Variants in CDH17 observed in about 807,000 individuals in gnomAD.
CDH17 encodes the protein cadherin-17.
In CDH17, 67 loss-of-function variants were observed where a neutral mutation model predicts 86.3. The observed-to-expected ratio is 0.78, with a 90% CI of 0.64 to 0.95. The LOEUF is 0.95. Among genes scored for constraint, CDH17 ranks in the 40% least tolerant of loss-of-function variants. The probability of loss-of-function intolerance (pLI) is 0.00; values close to 1 mark genes in which losing one functional copy is unlikely to be tolerated. For synonymous variants in CDH17, 367 were observed against 366.4 expected, an observed-to-expected ratio of 1.00 and a Z score of -0.02; for missense variants, 993 against 1,017.6, an observed-to-expected ratio of 0.98 and a Z score of 0.33.
At chr8:94,177,108 A>G (rs979565186) in intron 4 of CDH17, among the ~76,000 whole-genome samples, 5 of 152,204 alleles carry the variant, frequency 3.3e-5, no homozygotes, top group Non-Finnish European at 7.3e-5. Context: ...TCAGATACCA[A>G]CGGTGAAAAC....
At position 94,179,339 on chromosome 8, in the gene CDH17, A is replaced by T. The variant is rs149761580; in HGVS notation, c.151-1618T>A. ...CCTGGGGCATTTGTTGAAAACAACC[A>T]TTAGCAATTGTTCAACATTGCAGCT... is the stretch of plus-strand genomic sequence containing the variant. On this transcript the variant is annotated intron_variant, in intron 3 of 17. Coordinates refer to ENST00000027335, the MANE Select transcript of CDH17 (RefSeq NM_004063.4). Among the ~76,000 whole-genome samples the T allele has an allele frequency of 2.9e-4, 44 of 152,356 alleles. No homozygotes were observed. The East Asian group carries it at 3.5e-3, about 12-fold the overall frequency.
At chr8:94,216,563 G>T (rs200819544) in intron 1 of CDH17, among the ~76,000 whole-genome samples, 5,901 of 141,986 alleles carry the variant, frequency 0.042, 290 homozygotes, top group African/African-American at 0.12. Flanking sequence ...CAGAGGGTTT[G>T]TTTTTTTTTT....
At chr8:94,132,759 G>A (rs1433711226) in intron 15 of CDH17, among the ~76,000 whole-genome samples, 1 of 152,128 alleles carries the variant, frequency 6.6e-6, no homozygotes, top group African/African-American at 2.4e-5. Flanking sequence ...TCTTCTGAAT[G>A]GTATTGCCTC....
At chr8:94,171,228 C>T (rs1302461316) in intron 7 of CDH17, among the ~76,000 whole-genome samples, 1 of 152,146 alleles carries the variant, frequency 6.6e-6, no homozygotes, top group African/African-American at 2.4e-5. Flanking sequence ...TCTTCACAAA[C>T]CCTCTACAGG....
chr8:94,141,254 ATCCATT>A (rs1397224348), intron 15 of CDH17, among the ~76,000 whole-genome samples: 2 of 136,814 alleles, frequency 1.5e-5, no homozygotes, highest in Admixed American at 1.5e-4. Flanking sequence ...AAAATTTAAT[ATCCATT>A]TCCAATTTAG....
intron 5 of CDH17, 63 bp from the exon 6 acceptor site, chr8:94,174,323 C>T: frequency 1.3e-6 from 2 of 1,486,012 alleles, no homozygotes; most frequent in Non-Finnish European, 1.8e-6. Context: ...CCAAACCAAC[C>T]ATAGCTACTT....
At chr8:94,194,758 G>A in intron 1 of CDH17, 53 bp from the exon 2 acceptor site, 2 of 931,590 alleles carry the variant, frequency 2.1e-6, no homozygotes, top group Admixed American at 2.1e-5. Flanking sequence ...TTAAAATCAT[G>A]TCTTTCCAAT....
At chr8:94,154,956 C>T (rs1296645684) in intron 12 of CDH17, among the ~76,000 whole-genome samples, 1 of 152,028 alleles carries the variant, frequency 6.6e-6, no homozygotes, top group Non-Finnish European at 1.5e-5. Context: ...TCCCCTTTCC[C>T]GCATGCATGC....
At chr8:94,202,006 T>C (rs1813923957) in intron 1 of CDH17, 1 of 215,938 alleles carries the variant, frequency 4.6e-6, no homozygotes, top group East Asian at 1.2e-4. Flanking sequence ...TGAGTTTTGG[T>C]AAAATTTGCC....
chr8:94,194,755 C>A lies in CDH17; in HGVS notation c.-20-50G>T, dbSNP rs1224375652. 5 of 931,786 alleles carry A rather than the reference C, an allele frequency of 5.4e-6. No individual in the cohort carries two copies. The African/African-American group carries it at 6.6e-5, about 12-fold the overall frequency. 57.7% of individuals were successfully genotyped at this position (931,786 alleles called of 1,614,324 possible). A position where few individuals can be genotyped will look rare whatever the true frequency, so the allele number is the denominator to read the frequency against. On this transcript the variant is annotated intron_variant, in intron 1 of 17. Transcript: ENST00000027335. ...TGGTTAGTTACCAGTCTGTTAAAAT[C>A]ATGTCTTTCCAATCAGTAAGAATCA...
At chr8:94,151,808 T>A in intron 13 of CDH17, 60 bp downstream of exon 13, 1 of 1,605,908 alleles carries the variant, frequency 6.2e-7, no homozygotes, top group Non-Finnish European at 8.5e-7. Context: ...CAGCTCCTCC[T>A]CCTCCCCATT....
intron 5 of CDH17, among the ~76,000 whole-genome samples, chr8:94,175,207 T>C (rs1188479035): frequency 6.6e-6 from 1 of 152,064 alleles, no homozygotes; most frequent in African/African-American, 2.4e-5. Context: ...TTCTCTGGAG[T>C]CCTCAGTAAA....
chr8:94,205,422 T>C lies in CDH17; in HGVS notation c.-21+3061A>G, dbSNP rs572084190. Reference sequence around the variant, plus strand: ...TAAATCTAAATTAGGTTCCATCCCATAGGATTTAGACACTGAAGGATCGAA... The same window carrying C: ...TAAATCTAAATTAGGTTCCATCCCACAGGATTTAGACACTGAAGGATCGAA... On this transcript the variant is annotated intron_variant, in intron 1 of 17. Coordinates refer to ENST00000027335, the MANE Select transcript of CDH17 (RefSeq NM_004063.4). Among the ~76,000 whole-genome samples the C allele has an allele frequency of 3.7e-4, 56 of 152,150 alleles. 2 individuals carry two copies. The South Asian group carries it at 0.011, about 31-fold the overall frequency.
intron 13 of CDH17, among the ~76,000 whole-genome samples, chr8:94,151,460 A>G (rs1210364437): frequency 3.3e-5 from 5 of 152,144 alleles, no homozygotes; most frequent in African/African-American, 4.8e-5. Flanking sequence ...GGTCTGTCCA[A>G]TTGGGCTTTG....
At chr8:94,213,308 C>T (rs1814150222), upstream of CDH17, among the ~76,000 whole-genome samples, 2 of 152,268 alleles carry the variant, frequency 1.3e-5, no homozygotes, top group Admixed American at 1.3e-4. Context: ...ATTACATAGG[C>T]CCTTCTGAGA....
In CDH17 at chr8:94,151,879, A is replaced by G; in HGVS notation, c.1785T>C (p.Gly595=). ...CTGTTGCCCTTTACCTTATGTCCAG[A>G]CCTTCTGGATCCTTGGCAGTCACAT... ...VGNVTAKDPE[G]LDISYSLRGD... Residue 595 remains glycine (G), a synonymous_variant, in exon 13 of 18, where the codon GGT becomes GGC. Coordinates refer to ENST00000027335, the MANE Select transcript of CDH17 (RefSeq NM_004063.4). The G allele has an allele frequency of 6.2e-7, 1 of 1,614,028 alleles. No individual in the cohort carries two copies. Among genetic ancestry groups the G allele is most frequent in the Non-Finnish European group, 8.5e-7 (1 of 1,179,980 alleles).
chr8:94,165,676 C>T (rs1169743367), intron 10 of CDH17, 85 bp downstream of exon 10: 4 of 896,186 alleles, frequency 4.5e-6, no homozygotes, highest in African/African-American at 1.6e-5. Context: ...CATTCTATAA[C>T]ATACCAGACA....
intron 9 of CDH17, among the ~76,000 whole-genome samples, chr8:94,169,832 A>G (rs1370703415): frequency 1.3e-5 from 2 of 152,202 alleles, no homozygotes; most frequent in Non-Finnish European, 1.5e-5. Flanking sequence ...AAACATAGCA[A>G]GACAAAGCAA....
chr8:94,170,284 C>T, intron 9 of CDH17, 113 bp downstream of exon 9: 1 of 1,076,172 alleles, frequency 9.3e-7, no homozygotes, highest in Non-Finnish European at 1.4e-6. Context: ...AACCTCTATG[C>T]TGTGGAAGAC....
Sources: allele counts gnomAD v4.1 joint callset (sites outside exome capture counted in the v4.1 genomes callset), GRCh38; gene constraint gnomAD v4.1.1; transcripts MANE v1.5; gene names NCBI Gene and HGNC (gene_info 2026-07-23, HGNC 2026-07-21).